The following GRIK1 variants were observed in gnomAD, a reference collection of about 807,000 sequenced individuals.
The protein encoded by GRIK1 is glutamate ionotropic receptor kainate type subunit 1, also known as glutamate receptor ionotropic, kainate 1.
GRIK1 carries 69 observed loss-of-function variants against 105.7 expected under a neutral mutation model. That is an observed-to-expected ratio of 0.65 (90% CI 0.54 to 0.80). The LOEUF (loss-of-function observed/expected upper bound fraction) is 0.80, where lower values mean the gene tolerates loss of function less well. Among genes scored for constraint, GRIK1 ranks in the 30% least tolerant of loss-of-function variants. GRIK1 has a pLI of 0.00. For missense variants in GRIK1, 1,109 were observed against 1,167.3 expected, an observed-to-expected ratio of 0.95 and a Z score of 0.73; for synonymous variants, 438 against 431.3, an observed-to-expected ratio of 1.02 and a Z score of -0.19.
At chr21:29,844,221 A>G (rs559664448) in intron 1 of GRIK1, among the ~76,000 whole-genome samples, 3 of 152,220 alleles carry the variant, frequency 2.0e-5, no homozygotes, top group Admixed American at 2.0e-4. Flanking sequence ...CTTTGCAGAT[A>G]TAGAGCCTTG....
At chr21:29,895,072 G>T (rs1369153935) in intron 1 of GRIK1, among the ~76,000 whole-genome samples, 1 of 152,114 alleles carries the variant, frequency 6.6e-6, no homozygotes, top group Non-Finnish European at 1.5e-5. Flanking sequence ...GTGGTGGCAG[G>T]GGGCTCAGAA....
At chr21:29,861,556 C>A (rs112247879) in intron 1 of GRIK1, 110 of 251,462 alleles carry the variant, frequency 4.4e-4, no homozygotes, top group African/African-American at 3.1e-3. Context: ...GATCTGCCCT[C>A]TTCGGCCTCC....
chr21:29,598,784 A>G (rs1343201921), intron 8 of GRIK1, 46 bp downstream of exon 8: 12 of 873,042 alleles, frequency 1.4e-5, no homozygotes, highest in African/African-American at 5.1e-5. Flanking sequence ...AAATGCCTGA[A>G]CAATGTTCAT....
At chr21:29,916,885 C>G (rs914009841) in intron 1 of GRIK1, among the ~76,000 whole-genome samples, 1 of 151,946 alleles carries the variant, frequency 6.6e-6, no homozygotes, top group Non-Finnish European at 1.5e-5. Flanking sequence ...GATTTGTTTA[C>G]TGATGACATG....
intron 1 of GRIK1, among the ~76,000 whole-genome samples, chr21:29,866,332 CTGAGATTACAGGTA>C (rs765987646): frequency 2.1e-4 from 32 of 152,184 alleles, no homozygotes; most frequent in Non-Finnish European, 4.3e-4. Flanking sequence ...TCCCAAAGTG[CTGAGATTACAGGTA>C]TGAGCCACTA....
chr21:29,597,676 T>C (rs1158112129), intron 8 of GRIK1: 1 of 466,568 alleles, frequency 2.1e-6, no homozygotes, highest in Non-Finnish European at 4.5e-6. Context: ...AGCCAGAAGA[T>C]GGGAGAGACA....
At chr21:29,831,914 G>A (rs1166297339) in intron 1 of GRIK1, among the ~76,000 whole-genome samples, 3 of 152,046 alleles carry the variant, frequency 2.0e-5, no homozygotes, top group Non-Finnish European at 4.4e-5. Flanking sequence ...CTGGGACAAG[G>A]TAAGTCCCTT....
At chr21:29,549,675 A>AT (rs200652458) in intron 16 of GRIK1, among the ~76,000 whole-genome samples, 13,053 of 150,662 alleles carry the variant, frequency 0.087, 768 homozygotes, top group African/African-American at 0.17. Context: ...TTGAAAAAAA[A>AT]ATTGTTTTCC....
At chr21:29,677,488 C>G (rs1438528119) in intron 3 of GRIK1, among the ~76,000 whole-genome samples, 2 of 152,022 alleles carry the variant, frequency 1.3e-5, no homozygotes, top group African/African-American at 4.8e-5. Context: ...CTTTGGCCGC[C>G]TGTCTACTCG....
chr21:29,880,511 T>C (rs1225436541), intron 1 of GRIK1, among the ~76,000 whole-genome samples: 3 of 152,130 alleles, frequency 2.0e-5, no homozygotes, highest in Non-Finnish European at 2.9e-5. Context: ...TACATTCTCA[T>C]AAATGGAAGG....
intron 7 of GRIK1, among the ~76,000 whole-genome samples, chr21:29,603,135 G>A (rs1448628608): frequency 1.3e-5 from 2 of 152,036 alleles, no homozygotes; most frequent in Non-Finnish European, 2.9e-5. Flanking sequence ...CAGCTTAAAT[G>A]TAAGGAACCA....
intron 1 of GRIK1, among the ~76,000 whole-genome samples, chr21:29,775,137 C>G (rs459666): frequency 6.7e-4 from 102 of 151,778 alleles, no homozygotes; most frequent in African/African-American, 2.1e-3. Flanking sequence ...ACCAACCTGG[C>G]GAAACCCCGT....
At chr21:29,728,176 G>A (rs76697813) in intron 1 of GRIK1, among the ~76,000 whole-genome samples, 4,038 of 152,236 alleles carry the variant, frequency 0.027, 188 homozygotes, top group African/African-American at 0.093. Context: ...ATTAACCATT[G>A]TATAAACCTT....
chr21:29,794,721 T>A (rs1263517444), intron 1 of GRIK1, among the ~76,000 whole-genome samples: 1 of 152,184 alleles, frequency 6.6e-6, no homozygotes, highest in African/African-American at 2.4e-5. Flanking sequence ...TGTGTTATTG[T>A]ACAGTTTGTT....
At position 29,679,444 on chromosome 21, in the gene GRIK1, G is replaced by A. The variant is rs770566884; in HGVS notation, c.545-6280C>T. 4.8e-4 allele frequency among the ~76,000 whole-genome samples: 73 copies of A among 152,130 alleles called. 1 individual carries two copies. Among genetic ancestry groups the A allele is most frequent in the Admixed American group, 1.6e-3 (24 of 15,280 alleles). ...CTCATTTCCTTGATGTACTCATCCCGTCCTATCTATAGGCTGAGGCCACTC... is the reference window on the plus strand; with the variant it reads ...CTCATTTCCTTGATGTACTCATCCCATCCTATCTATAGGCTGAGGCCACTC... On this transcript the variant is annotated intron_variant, in intron 3 of 17. Transcript: ENST00000327783.
intron 1 of GRIK1, among the ~76,000 whole-genome samples, chr21:29,761,950 G>C (rs2065536379): frequency 6.6e-6 from 1 of 152,154 alleles, no homozygotes; most frequent in Admixed American, 6.5e-5. Flanking sequence ...GTTTCACCCT[G>C]TTGGCCAGGC....
intron 1 of GRIK1, among the ~76,000 whole-genome samples, chr21:29,735,100 A>G (rs1314958762): frequency 6.6e-6 from 1 of 152,228 alleles, no homozygotes; most frequent in Non-Finnish European, 1.5e-5. Context: ...AGAACCTACC[A>G]TGTTAATTTT....
intron 1 of GRIK1, among the ~76,000 whole-genome samples, chr21:29,823,600 T>C (rs969818506): frequency 2.0e-5 from 3 of 151,884 alleles, no homozygotes; most frequent in Admixed American, 1.3e-4. Flanking sequence ...GAGGAAAGAA[T>C]GTAGAAGGAG....
intron 6 of GRIK1, among the ~76,000 whole-genome samples, 192 bp downstream of exon 6, chr21:29,650,926 C>CT (rs1312851086): frequency 6.6e-6 from 1 of 152,172 alleles, no homozygotes; most frequent in East Asian, 1.9e-4. Flanking sequence ...ATCCAGGAAG[C>CT]TAAAAGTAGC....
Sources: gnomAD v4.1 joint callset for allele counts (sites outside exome capture counted in the v4.1 genomes callset) on GRCh38, gnomAD v4.1.1 for gene constraint, MANE v1.5 for transcripts, NCBI Gene and HGNC (gene_info 2026-07-23, HGNC 2026-07-21) for gene names.